Variants in RBFOX1 observed in about 807,000 individuals in gnomAD.
The protein encoded by RBFOX1 is RNA binding fox-1 homolog 1.
RBFOX1 carries 8 observed loss-of-function variants against 57.7 expected under a neutral mutation model. The ratio of observed to expected loss-of-function variants is 0.14; its 90% CI spans 0.08 to 0.25. The LOEUF (loss-of-function observed/expected upper bound fraction) is 0.25, where lower values mean the gene tolerates loss of function less well. Ranked by LOEUF, RBFOX1 falls within the 10% of genes least tolerant of loss-of-function variation. The pLI, the probability that RBFOX1 is intolerant of heterozygous loss-of-function variation, is 1.00. For synonymous variants in RBFOX1, 326 were observed against 222.4 expected, an observed-to-expected ratio of 1.47 and a Z score of -4.15; for missense variants, 611 against 548.5, an observed-to-expected ratio of 1.11 and a Z score of -1.14.
At chr16:6,746,490 A>G (rs1260331549) in intron 3 of RBFOX1, among the ~76,000 whole-genome samples, 3 of 152,114 alleles carry the variant, frequency 2.0e-5, no homozygotes, top group Admixed American at 6.6e-5. Context: ...CAGTCTATGC[A>G]ACATGGCAAA....
intron 1 of RBFOX1, among the ~76,000 whole-genome samples, chr16:6,118,478 G>A (rs191385313): frequency 6.6e-6 from 1 of 152,124 alleles, no homozygotes; most frequent in Non-Finnish European, 1.5e-5. Context: ...GTCATCACAC[G>A]GTGTAAGGGT....
At chr16:7,504,645 A>G (rs969957743) in intron 4 of RBFOX1, among the ~76,000 whole-genome samples, 1 of 140,778 alleles carries the variant, frequency 7.1e-6, no homozygotes, top group Non-Finnish European at 1.5e-5. Context: ...ATGTTTCCTT[A>G]TCTGTGAAGT....
intron 3 of RBFOX1, among the ~76,000 whole-genome samples, chr16:5,717,024 C>CG (rs1330907372): frequency 2.8e-5 from 4 of 144,222 alleles, no homozygotes; most frequent in Non-Finnish European, 4.4e-5. Context: ...AGAAAAAACT[C>CG]TTAACTCCAG....
At chr16:6,741,930 A>G (rs1278554515) in intron 3 of RBFOX1, among the ~76,000 whole-genome samples, 1 of 152,190 alleles carries the variant, frequency 6.6e-6, no homozygotes, top group East Asian at 1.9e-4. Context: ...ATAGTGATAG[A>G]CTGTAGTTAA....
At chr16:5,927,327 A>T (rs1017789102) in intron 4 of RBFOX1, among the ~76,000 whole-genome samples, 4 of 152,216 alleles carry the variant, frequency 2.6e-5, no homozygotes, top group African/African-American at 9.6e-5. Flanking sequence ...TGAATTCCAA[A>T]ATGTTGCAAG....
At chr16:6,934,743 G>C (rs1182106214) in intron 3 of RBFOX1, among the ~76,000 whole-genome samples, 1 of 152,076 alleles carries the variant, frequency 6.6e-6, no homozygotes, top group African/African-American at 2.4e-5. Context: ...CCTTTGCTTA[G>C]TTTGGAGGAT....
intron 3 of RBFOX1, among the ~76,000 whole-genome samples, chr16:7,017,705 A>G (rs1050973196): frequency 3.9e-5 from 6 of 152,158 alleles, no homozygotes; most frequent in East Asian, 1.9e-4. Context: ...TAGATGTTCA[A>G]TAGCTTTTCT....
At chr16:6,281,740 C>T (rs1548839) in intron 1 of RBFOX1, among the ~76,000 whole-genome samples, 1,844 of 152,156 alleles carry the variant, frequency 0.012, 44 homozygotes, top group African/African-American at 0.042. Flanking sequence ...TTGCTGAGTG[C>T]TGTGGATAAT....
At chr16:6,448,641 G>A (rs1359953929) in intron 2 of RBFOX1, among the ~76,000 whole-genome samples, 1 of 152,108 alleles carries the variant, frequency 6.6e-6, no homozygotes, top group Non-Finnish European at 1.5e-5. Context: ...AATGTCACCT[G>A]GAGGACAAAA....
intron 2 of RBFOX1, among the ~76,000 whole-genome samples, chr16:6,400,205 G>T (rs977535039): frequency 9.9e-5 from 15 of 152,150 alleles, no homozygotes; most frequent in Admixed American, 5.2e-4. Context: ...TACATGTTGG[G>T]TATGAAATCT....
intron 3 of RBFOX1, among the ~76,000 whole-genome samples, chr16:6,852,150 T>C (rs137944538): frequency 1.2e-3 from 182 of 152,240 alleles, no homozygotes; most frequent in African/African-American, 4.3e-3. Flanking sequence ...GGTGATCTGA[T>C]GTCTGAAATC....
chr16:7,345,875 C>T (rs1474275013), intron 4 of RBFOX1, among the ~76,000 whole-genome samples: 1 of 152,010 alleles, frequency 6.6e-6, no homozygotes, highest in Non-Finnish European at 1.5e-5. Flanking sequence ...ATGTGCACAA[C>T]GTGCAGGTTT....
At chr16:5,761,670 ACCGGGT>A (rs1418809185) in intron 3 of RBFOX1, among the ~76,000 whole-genome samples, 1 of 152,100 alleles carries the variant, frequency 6.6e-6, no homozygotes, top group African/African-American at 2.4e-5. Context: ...ATTACCTCTC[ACCGGGT>A]CCTTTCCAGC....
rs540176945 is a variant in RBFOX1, at chr16:6,844,217, C to T, written c.-16+189567C>T. The stretch of plus-strand genomic sequence containing the variant: ...TTTTTTTTCCTTCATGTTTTAAGTT[C>T]AGGGGTACATGTGCAGGATGTACAG... On this transcript the variant is annotated intron_variant, in intron 3 of 15. Coordinates refer to ENST00000550418, the MANE Select transcript of RBFOX1 (RefSeq NM_018723.4). Among the ~76,000 whole-genome samples the T allele has an allele frequency of 3.3e-5, 5 of 151,462 alleles. No individual in the cohort carries two copies. In the East Asian group the frequency reaches 7.8e-4, roughly 24 times the overall value.
chr16:6,874,509 T>TAAA (rs57494867), intron 3 of RBFOX1, among the ~76,000 whole-genome samples: 3 of 71,104 alleles, frequency 4.2e-5, no homozygotes, highest in South Asian at 1.3e-3. Context: ...AGACTCCATC[T>TAAA]AAAAAAAAAA....
intron 3 of RBFOX1, among the ~76,000 whole-genome samples, chr16:7,036,091 C>G (rs756636824): frequency 2.0e-5 from 3 of 152,092 alleles, no homozygotes; most frequent in Admixed American, 6.6e-5. Flanking sequence ...TCTTCAGATG[C>G]GAAAGTCAGA....
intron 1 of RBFOX1, among the ~76,000 whole-genome samples, chr16:5,263,905 G>T (rs1404418861): frequency 1.1e-4 from 16 of 152,196 alleles, no homozygotes. Flanking sequence ...TGGATGGTGA[G>T]ATTATTTAGT....
intron 4 of RBFOX1, among the ~76,000 whole-genome samples, chr16:7,271,548 G>C (rs569796406): frequency 1.4e-4 from 22 of 152,014 alleles, no homozygotes; most frequent in Non-Finnish European, 3.2e-4. Flanking sequence ...GTGCATGTTA[G>C]TATAATAACT....
intron 2 of RBFOX1, among the ~76,000 whole-genome samples, chr16:6,417,139 G>C (rs550282002): frequency 1.3e-5 from 2 of 151,704 alleles, no homozygotes; most frequent in African/African-American, 4.8e-5. Context: ...AGCCTCCCAA[G>C]TAGCTGAGAT....
Sources: allele counts gnomAD v4.1 joint callset (sites outside exome capture counted in the v4.1 genomes callset), GRCh38; gene constraint gnomAD v4.1.1; transcripts MANE v1.5; gene names NCBI Gene and HGNC (gene_info 2026-07-23, HGNC 2026-07-21).